RXYLT1: variants seen among roughly 807,000 people sequenced by gnomAD.
RXYLT1 encodes the protein ribitol xylosyltransferase 1, also known as ribitol-5-phosphate xylosyltransferase 1.
A neutral mutation model predicts 43.5 loss-of-function variants in RXYLT1; 41 were observed. The observed-to-expected ratio is 0.94, with a 90% CI of 0.73 to 1.22. The LOEUF is 1.22. RXYLT1 is among the 50% of genes most tolerant of loss of function. RXYLT1 has a pLI of 0.00. For missense variants in RXYLT1, 514 were observed against 532.0 expected (o/e 0.97, Z 0.33); for synonymous variants, 166 against 194.4 (o/e 0.85, Z 1.21).
In RXYLT1 at chr12:63,780,125, C is replaced by A; in HGVS notation, c.165C>A (p.Gly55=). 1 of 1,516,072 alleles carries A rather than the reference C, an allele frequency of 6.6e-7. No homozygotes were observed. The highest frequency in any genetic ancestry group is 8.8e-7 in the Non-Finnish European group (1 of 1,139,138). The allele number at this position is 1,516,072 out of a possible 1,614,324, so 93.9% of individuals were successfully genotyped here. A position where few individuals can be genotyped will look rare whatever the true frequency, so the allele number is the denominator to read the frequency against. The change falls in exon 1 of 6, where the codon GGC becomes GGA. Residue 55 remains glycine, a synonymous_variant. Transcript: ENST00000261234. ...CGGCCCCCGCGCGGGAGAGACGCGG[C>A]CGAGGTAGGACTGGGTCGGCGGCTT... is the stretch of plus-strand genomic sequence containing the variant. ...KGAAPARERR[G]REQSTLESEE...
intron 5 of RXYLT1, chr12:63,808,333 A>G: frequency 3.6e-6 from 1 of 279,472 alleles, no homozygotes; most frequent in Non-Finnish European, 6.6e-6. Context: ...TCACTTGGTC[A>G]CTATCCATCT....
chr12:63,785,500 T>C (rs1469348884), intron 3 of RXYLT1: 2 of 152,180 alleles, frequency 1.3e-5, no homozygotes, highest in African/African-American at 4.8e-5. Flanking sequence ...GCTGTCACTT[T>C]GTAGATTTTT....
intron 3 of RXYLT1, among the ~76,000 whole-genome samples, chr12:63,789,730 T>A (rs1240642410): frequency 2.0e-5 from 3 of 152,196 alleles, no homozygotes; most frequent in Admixed American, 6.5e-5. Context: ...AGATTTTTTT[T>A]AAACAGCTTA....
At position 63,781,132 on chromosome 12, in the gene RXYLT1, A is replaced by T; in HGVS notation, c.283A>T (p.Lys95Ter). Residue 95 changes from lysine to a stop codon, truncating the protein, a stop_gained, in exon 2 of 6, where the codon AAA becomes TAA. Coordinates refer to ENST00000261234, the MANE Select transcript of RXYLT1 (RefSeq NM_014254.3). LOFTEE classifies it high-confidence loss of function. ...LQILDKSTKG[K>*]TDLSVQIWGK... is the part of the protein sequence containing the mutation. ...AATATTAGATAAATCCACGAAAGGA[A>T]AAACAGATCTCAGTGTACAAATCTG... 1 of 1,606,960 alleles carries T rather than the reference A, an allele frequency of 6.2e-7. No individual in the cohort carries two copies. Among genetic ancestry groups the T allele is most frequent in the Admixed American group, 1.7e-5 (1 of 58,578 alleles).
At chr12:63,783,361 T>C (rs998382068) in intron 2 of RXYLT1, among the ~76,000 whole-genome samples, 1 of 151,918 alleles carries the variant, frequency 6.6e-6, no homozygotes, top group African/African-American at 2.4e-5. Flanking sequence ...CTCAGGAGGC[T>C]GAGGCAGGAG....
chr12:63,806,345 A>C (rs1898290910), intron 5 of RXYLT1: 1 of 152,258 alleles, frequency 6.6e-6, no homozygotes, highest in African/African-American at 2.4e-5. Context: ...AAAATTAAGC[A>C]GAAGAATGGC....
In RXYLT1 at chr12:63,808,496, A is replaced by G. The variant is rs143271126; in HGVS notation, c.915-179A>G. On this transcript the variant is annotated intron_variant, in intron 5 of 5. Transcript: ENST00000261234. ...AAATGTACAACTGTAAAATGTTCCA[A>G]TTCTTCAACATTTTTAAGAAATCTG... is the stretch of plus-strand genomic sequence containing the variant. 5.3e-4 allele frequency: 335 copies of G among 628,580 alleles called. 3 individuals carry two copies. The Admixed American group carries it at 5.9e-3, about 11-fold the overall frequency. 38.9% of individuals were successfully genotyped at this position (628,580 alleles called of 1,614,324 possible).
chr12:63,808,720 T>C lies in RXYLT1; in HGVS notation c.960T>C (p.Asp320=). 6.2e-7 allele frequency: 1 copy of C among 1,605,150 alleles called. No homozygotes were observed. The highest frequency in any genetic ancestry group is 8.5e-7 in the Non-Finnish European group (1 of 1,178,234). ...ATGAAAGTCTTAAGAATTACCAAGA[T>C]GCCTTGCTTCAGAGTGATCTCACAT... is the stretch of plus-strand genomic sequence containing the variant. The part of the protein sequence containing the change: ...ETNESLKNYQ[D]ALLQSDLTLC... Residue 320 remains aspartate (D), a synonymous_variant, in exon 6 of 6, where the codon GAT becomes GAC. Coordinates refer to ENST00000261234, the MANE Select transcript of RXYLT1 (RefSeq NM_014254.3).
At chr12:63,792,949 G>T (rs910853832) in intron 3 of RXYLT1, among the ~76,000 whole-genome samples, 7 of 152,150 alleles carry the variant, frequency 4.6e-5, no homozygotes, top group African/African-American at 1.7e-4. Flanking sequence ...AGACTGGAGT[G>T]TGGTGACTGT....
At chr12:63,805,849 A>C (rs574979318) in intron 5 of RXYLT1, 4 of 153,426 alleles carry the variant, frequency 2.6e-5, no homozygotes, top group Admixed American at 2.6e-4. Context: ...GTGAATCCCC[A>C]GATCTAACAT....
intron 3 of RXYLT1, among the ~76,000 whole-genome samples, chr12:63,795,043 C>T (rs893040067): frequency 3.3e-5 from 5 of 151,976 alleles, no homozygotes; most frequent in African/African-American, 9.7e-5. Context: ...CGCCTGTAAT[C>T]CCAGCACTTT....
At position 63,802,252 on chromosome 12, in the gene RXYLT1, CTGT is replaced by C. The variant is rs768163525; in HGVS notation, c.595_597del (p.Val199del). On this transcript the variant is annotated inframe_deletion, in exon 4 of 6. Transcript: ENST00000261234. ...CAAATTCAAAAACTCCAGCATCTTG[CTGT>C]TGTTTTGCTCGGAAATGAACATTGT... 6.2e-7 allele frequency: 1 copy of C among 1,614,082 alleles called. No homozygotes were observed.
chr12:63,786,593 AT>A (rs1464903942), intron 3 of RXYLT1, among the ~76,000 whole-genome samples: 6 of 152,132 alleles, frequency 3.9e-5, no homozygotes, highest in Admixed American at 2.6e-4. Context: ...TCAGCAAGTC[AT>A]CTTTTTGCTG....
rs1016162708 is a variant in RXYLT1, at chr12:63,782,128, G to A, written c.325+954G>A. The stretch of plus-strand genomic sequence containing the variant: ...AATCTGATAAGTGCAAAGTGGCCAA[G>A]TGAATTTCATCAAATGCTACCTTTT... On this transcript the variant is annotated intron_variant, in intron 2 of 5. Coordinates refer to ENST00000261234, the MANE Select transcript of RXYLT1 (RefSeq NM_014254.3). Among the ~76,000 whole-genome samples the A allele has an allele frequency of 3.3e-5, 5 of 151,890 alleles. No individual in the cohort carries two copies. The South Asian group carries it at 1.0e-3, about 31-fold the overall frequency.
intron 1 of RXYLT1, chr12:63,780,428 G>T: frequency 8.2e-7 from 1 of 1,223,382 alleles, no homozygotes; most frequent in Non-Finnish European, 1.0e-6. Flanking sequence ...GAGATTTGCG[G>T]GAATGCTCCT....
rs115687113 is a variant in RXYLT1, at chr12:63,803,466, A to G, written c.743+1061A>G. ...ATCTCACTGACATGATTTTTGAATC[A>G]TACATTCATTATTCATCATTCTGTC... On this transcript the variant is annotated intron_variant, in intron 4 of 5. Transcript: ENST00000261234. Among the ~76,000 whole-genome samples the G allele has an allele frequency of 2.3e-3, 347 of 152,198 alleles. 1 individual carries two copies. Among genetic ancestry groups the G allele is most frequent in the African/African-American group, 7.5e-3 (311 of 41,518 alleles).
At chr12:63,798,772 C>T (rs937938873) in intron 3 of RXYLT1, among the ~76,000 whole-genome samples, 1 of 152,202 alleles carries the variant, frequency 6.6e-6, no homozygotes, top group African/African-American at 2.4e-5. Flanking sequence ...GGAAATGACA[C>T]TGACAGTGTC....
intron 3 of RXYLT1, among the ~76,000 whole-genome samples, chr12:63,789,533 T>C (rs1897877364): frequency 6.6e-6 from 1 of 152,088 alleles, no homozygotes; most frequent in Admixed American, 6.6e-5. Flanking sequence ...TGTTGGAAAA[T>C]GGTACCAATA....
chr12:63,795,365 T>A (rs146490219), intron 3 of RXYLT1: 1 of 151,972 alleles, frequency 6.6e-6, no homozygotes, highest in East Asian at 1.9e-4. Context: ...GAGGCTGAAG[T>A]AGGAGGATTG....
Sources: gnomAD v4.1 joint callset for allele counts (sites outside exome capture counted in the v4.1 genomes callset) on GRCh38, gnomAD v4.1.1 for gene constraint, MANE v1.5 for transcripts, NCBI Gene and HGNC (gene_info 2026-07-23, HGNC 2026-07-21) for gene names.